The following ASNS variants were observed in gnomAD, a reference collection of about 807,000 sequenced individuals.
ASNS encodes asparagine synthetase [glutamine-hydrolyzing].
Under a neutral mutation model 62.6 loss-of-function variants are expected in ASNS, and 37 were observed. The observed-to-expected ratio is 0.59, with a 90% CI of 0.45 to 0.78. The LOEUF (loss-of-function observed/expected upper bound fraction) is 0.78, where lower values mean the gene tolerates loss of function less well. Among genes scored for constraint, ASNS ranks in the 30% least tolerant of loss-of-function variants. The pLI is 0.00. For synonymous variants in ASNS, 207 were observed against 237.9 expected, an observed-to-expected ratio of 0.87 and a Z score of 1.19; for missense variants, 520 against 682.4, an observed-to-expected ratio of 0.76 and a Z score of 2.65.
the ASNS span, among the ~76,000 whole-genome samples, chr7:97,889,117 A>G: frequency 7.4e-3 from 1,126 of 152,316 alleles, 3 homozygotes; most frequent in Middle Eastern, 0.02. Context: ...CACTGCCCAC[A>G]GTCCCTAGTA....
intron 3 of ASNS, among the ~76,000 whole-genome samples, chr7:97,866,978 C>T (rs1449489943): frequency 6.6e-6 from 1 of 152,244 alleles, no homozygotes; most frequent in Non-Finnish European, 1.5e-5. Context: ...CCAAATCTAC[C>T]TTACCCACCT....
chr7:97,920,969 G>A, the ASNS span, among the ~76,000 whole-genome samples: 141 of 152,298 alleles, frequency 9.3e-4, no homozygotes, highest in African/African-American at 3.1e-3. Flanking sequence ...TGTGTAAGGT[G>A]AGATCCCAAG....
At chr7:97,919,965 C>G in the ASNS span, among the ~76,000 whole-genome samples, 1 of 151,946 alleles carries the variant, frequency 6.6e-6, no homozygotes, top group Non-Finnish European at 1.5e-5. Context: ...AAGGTCCTGG[C>G]TACTGCCCCA....
At chr7:97,854,411 A>G (rs573561756) in intron 10 of ASNS, among the ~76,000 whole-genome samples, 169 bp downstream of exon 10, 4 of 152,334 alleles carry the variant, frequency 2.6e-5, no homozygotes, top group African/African-American at 9.6e-5. Flanking sequence ...GTTAAGAAAC[A>G]GCTTCATTTT....
At chr7:97,892,574 C>T in the ASNS span, among the ~76,000 whole-genome samples, 1 of 152,126 alleles carries the variant, frequency 6.6e-6, no homozygotes, top group South Asian at 2.1e-4. Context: ...GAATGCTTTG[C>T]TGCTTAGAAA....
chr7:97,883,481 C>T, the ASNS span, among the ~76,000 whole-genome samples: 2 of 152,112 alleles, frequency 1.3e-5, no homozygotes, highest in Non-Finnish European at 1.5e-5. Context: ...TTTTCAGATC[C>T]GTTCACTGCT....
the ASNS span, among the ~76,000 whole-genome samples, chr7:97,919,375 G>T: frequency 6.6e-6 from 1 of 152,196 alleles, no homozygotes; most frequent in South Asian, 2.1e-4. Context: ...AAAAGTGCTG[G>T]GATTACAGGT....
At chr7:97,880,808 G>GA in the ASNS span, among the ~76,000 whole-genome samples, 7 of 152,234 alleles carry the variant, frequency 4.6e-5, no homozygotes, top group Non-Finnish European at 7.3e-5. Flanking sequence ...CTGCACATCA[G>GA]AATCACCTGG....
At chr7:97,889,139 G>T in the ASNS span, among the ~76,000 whole-genome samples, 1 of 152,102 alleles carries the variant, frequency 6.6e-6, no homozygotes, top group Non-Finnish European at 1.5e-5. Context: ...TGACACACCT[G>T]GTCCACCACC....
chr7:97,901,371 T>C, the ASNS span, among the ~76,000 whole-genome samples: 1 of 152,180 alleles, frequency 6.6e-6, no homozygotes, highest in Non-Finnish European at 1.5e-5. Flanking sequence ...AATTTTTGTA[T>C]TTTTAGTAGA....
At chr7:97,904,821 T>C in the ASNS span, among the ~76,000 whole-genome samples, 1 of 152,230 alleles carries the variant, frequency 6.6e-6, no homozygotes, top group African/African-American at 2.4e-5. Flanking sequence ...CTGGTGGTCT[T>C]TCAACAATAG....
the ASNS span, among the ~76,000 whole-genome samples, chr7:97,927,872 T>G: frequency 4.6e-5 from 7 of 152,248 alleles, no homozygotes; most frequent in Non-Finnish European, 7.3e-5. Context: ...CCAGACAGCA[T>G]CCGGGAGCAA....
intron 4 of ASNS, among the ~76,000 whole-genome samples, chr7:97,861,359 A>C (rs936414073): frequency 5.9e-5 from 9 of 152,164 alleles, no homozygotes; most frequent in Admixed American, 3.3e-4. Context: ...TGTTGGGTAA[A>C]GATTCAACTC....
At chr7:97,907,154 C>G in the ASNS span, among the ~76,000 whole-genome samples, 1 of 152,176 alleles carries the variant, frequency 6.6e-6, no homozygotes, top group Admixed American at 6.6e-5. Flanking sequence ...ACTGCGTGGC[C>G]AAATCCTTCC....
At chr7:97,925,072 G>C in the ASNS span, among the ~76,000 whole-genome samples, 3 of 152,320 alleles carry the variant, frequency 2.0e-5, no homozygotes, top group East Asian at 5.8e-4. Flanking sequence ...AGGAGGTGGA[G>C]GTTGCAGTGA....
chr7:97,895,493 A>G, the ASNS span, among the ~76,000 whole-genome samples: 1 of 152,190 alleles, frequency 6.6e-6, no homozygotes, highest in Non-Finnish European at 1.5e-5. Context: ...CTCTACCAAA[A>G]AACTCTTAAA....
chr7:97,875,013 T>C (rs1792408931), upstream of ASNS, among the ~76,000 whole-genome samples: 1 of 152,252 alleles, frequency 6.6e-6, no homozygotes, highest in Non-Finnish European at 1.5e-5. Flanking sequence ...TGCTCTTTTG[T>C]TTAAATGTCA....
At chr7:97,887,801 G>A in the ASNS span, among the ~76,000 whole-genome samples, 40 of 152,208 alleles carry the variant, frequency 2.6e-4, no homozygotes, top group Admixed American at 2.6e-3. Context: ...ACTGATACAA[G>A]GGTCACCATC....
At chr7:97,924,365 C>T in the ASNS span, among the ~76,000 whole-genome samples, 1 of 152,252 alleles carries the variant, frequency 6.6e-6, no homozygotes, top group African/African-American at 2.4e-5. Flanking sequence ...GCCTGCCTCA[C>T]AAATTACAAG....
Sources: allele counts gnomAD v4.1 joint callset (sites outside exome capture counted in the v4.1 genomes callset), GRCh38; gene constraint gnomAD v4.1.1; transcripts MANE v1.5; gene names NCBI Gene and HGNC (gene_info 2026-07-23, HGNC 2026-07-21).